FLT4: variants seen among roughly 807,000 people sequenced by gnomAD.
The protein encoded by FLT4 is fms related receptor tyrosine kinase 4, also known as vascular endothelial growth factor receptor 3.
A neutral mutation model predicts 163.2 loss-of-function variants in FLT4; 30 were observed. The observed-to-expected ratio is 0.18, with a 90% CI of 0.14 to 0.25. The LOEUF (loss-of-function observed/expected upper bound fraction) is 0.25. FLT4 is among the 10% of genes least tolerant of loss of function. The pLI, the probability that FLT4 is intolerant of heterozygous loss-of-function variation, is 1.00. For missense variants in FLT4, 1,510 were observed against 1,863.8 expected (o/e 0.81, Z 3.50); for synonymous variants, 884 against 789.5 (o/e 1.12, Z -2.01).
Position 180,630,412 on chromosome 5 carries a change from G to T in FLT4, c.401-75C>A. 6.5e-7 allele frequency: 1 copy of T among 1,550,248 alleles called. No individual in the cohort carries two copies. The highest frequency in any genetic ancestry group is 8.8e-7 in the Non-Finnish European group (1 of 1,135,994). ...GGGGAGGGCTCCACGGGGCTGGGTG[G>T]TGCTGGTCCTGAACCAGCCACCCGC... On this transcript the variant is annotated intron_variant, in intron 3 of 29. Transcript: ENST00000261937. The surrounding 1 kb of genome is among the most constrained non-coding windows in gnomAD (Gnocchi z 6.3).
chr5:180,643,540 G>A (rs1218939308), intron 1 of FLT4, among the ~76,000 whole-genome samples: 2 of 152,096 alleles, frequency 1.3e-5, no homozygotes, highest in Non-Finnish European at 2.9e-5. Context: ...CCTTGCTCAG[G>A]GGTCAGATGA....
At position 180,619,254 on chromosome 5, in the gene FLT4, C is replaced by T. The variant is rs752009723; in HGVS notation, c.2760G>A (p.Gln920=). 3.1e-6 allele frequency: 5 copies of T among 1,608,136 alleles called. No individual in the cohort carries two copies. In the East Asian group the frequency reaches 6.7e-5, roughly 22 times the overall value. The change falls in exon 19 of 30, where the codon CAG becomes CAA. Residue 920 remains glutamine (Q), a splice_region_variant and synonymous_variant. Coordinates refer to ENST00000261937, the MANE Select transcript of FLT4 (RefSeq NM_182925.5). The stretch of plus-strand genomic sequence containing the variant: ...CCCAGCGGGCCGCCCGCTCCGTACC[C>T]TGCGGCTTGGTGCACGCCCCGAGGA... ...VNLLGACTKP[Q]GPLMVIVEFC...
At chr5:180,613,162 C>T (rs769517007) in intron 24 of FLT4, 52 bp from the exon 25 acceptor site, 39 of 1,355,034 alleles carry the variant, frequency 2.9e-5, no homozygotes, top group Non-Finnish European at 3.8e-5. Context: ...GCGGCTCAGC[C>T]CAGCCCCCCA....
chr5:180,650,187 A>T (rs1348752783), upstream of FLT4, among the ~76,000 whole-genome samples: 1 of 148,660 alleles, frequency 6.7e-6, no homozygotes. Flanking sequence ...AAAAAAAAAA[A>T]GCAAAAACAA....
chr5:180,623,063 C>T lies in FLT4; in HGVS notation c.1549-224G>A, dbSNP rs1440764042. Reference sequence around the variant, plus strand: ...GTAGCTGCCCAGAAAAGTCAAGGGACAGTGTATGGACTGCTGGCCTAGGCT... The same window carrying T: ...GTAGCTGCCCAGAAAAGTCAAGGGATAGTGTATGGACTGCTGGCCTAGGCT... On this transcript the variant is annotated intron_variant, in intron 11 of 29. Coordinates refer to ENST00000261937, the MANE Select transcript of FLT4 (RefSeq NM_182925.5). This position sits in a 1 kb window ranked among gnomAD's most constrained non-coding sequence, Gnocchi z 5.8. 1.3e-5 allele frequency among the ~76,000 whole-genome samples: 2 copies of T among 152,122 alleles called. No homozygotes were observed. The highest frequency in any genetic ancestry group is 3.9e-4 in the East Asian group (2 of 5,180).
At chr5:180,607,919 G>T in intron 29 of FLT4, 1 of 598,714 alleles carries the variant, frequency 1.7e-6, no homozygotes. Context: ...CCGCTTGAGG[G>T]CTCTTTGGTC....
At chr5:180,631,833 G>A in intron 1 of FLT4, 55 bp from the exon 2 acceptor site, 9 of 1,248,586 alleles carry the variant, frequency 7.2e-6, no homozygotes, top group Non-Finnish European at 1.0e-5. Flanking sequence ...GCACGACGTT[G>A]ATGGGGCATG....
intron 1 of FLT4, among the ~76,000 whole-genome samples, chr5:180,634,511 G>A (rs935340713): frequency 4.6e-5 from 7 of 151,850 alleles, no homozygotes; most frequent in Non-Finnish European, 8.8e-5. Context: ...GACCATCCTG[G>A]CTAACACGGT....
At chr5:180,622,510 G>A (rs1355320619) in intron 12 of FLT4, among the ~76,000 whole-genome samples, 4 of 152,168 alleles carry the variant, frequency 2.6e-5, no homozygotes, top group Non-Finnish European at 4.4e-5. Context: ...CATCCTTGAG[G>A]GAGGAGCCCC....
chr5:180,648,917 C>G (rs1765613921), intron 1 of FLT4, among the ~76,000 whole-genome samples: 1 of 152,228 alleles, frequency 6.6e-6, no homozygotes, highest in Admixed American at 6.5e-5. Context: ...CAGCGTGCAC[C>G]TGCACCCGTC....
At chr5:180,618,700 G>GGGTTACCCA in intron 21 of FLT4, 70 bp downstream of exon 21, 1 of 1,514,460 alleles carries the variant, frequency 6.6e-7, no homozygotes, top group South Asian at 1.2e-5. Flanking sequence ...ACCCCAGGCT[G>GGGTTACCCA]GGGTGCCTGA....
upstream of FLT4, among the ~76,000 whole-genome samples, chr5:180,650,218 C>G (rs921145089): frequency 6.7e-6 from 1 of 150,358 alleles, no homozygotes; most frequent in African/African-American, 2.4e-5. Flanking sequence ...GCAGTGTTTA[C>G]CTGCACAGTG....
Position 180,610,001 on chromosome 5 carries a change from G to T in FLT4, c.3711C>A (p.Pro1237=). 1 of 1,614,142 alleles carries T rather than the reference G, an allele frequency of 6.2e-7. No individual in the cohort carries two copies. The highest frequency in any genetic ancestry group is 8.5e-7 in the Non-Finnish European group (1 of 1,180,000). Residue 1237 remains proline (P), a synonymous_variant, in exon 28 of 30, where the codon CCC becomes CCA. Coordinates refer to ENST00000261937, the MANE Select transcript of FLT4 (RefSeq NM_182925.5). ...TCTCAGCCCCTCTGGCCAGGCACCC[G>T]GGAAAGGACACCCAGTTGTAATACC... ...AARYYNWVSF[P]GCLARGAETR... is the part of the protein sequence containing the mutation.
At chr5:180,638,163 C>T (rs1331545814) in intron 1 of FLT4, among the ~76,000 whole-genome samples, 2 of 152,206 alleles carry the variant, frequency 1.3e-5, no homozygotes, top group Non-Finnish European at 2.9e-5. Context: ...CAGACACCTC[C>T]CAGGTCTCTA....
rs1208723260 is a variant in FLT4 at position 180,619,044 on chromosome 5, G to T, written c.2827C>A (p.Arg943=). ...ACCGCGCAGGGGCTGAAGGCGTCCC[G>T]CTTGGCGCGCAGGAAGTTGGAGAGG... ...GNLSNFLRAK[R]DAFSPCAEKS... is the part of the protein sequence containing the mutation. Residue 943 remains arginine (R), a synonymous_variant, in exon 20 of 30, where the codon CGG becomes AGG. Transcript: ENST00000261937. 2.6e-6 allele frequency: 4 copies of T among 1,554,702 alleles called. No homozygotes were observed. The South Asian group carries it at 4.7e-5, about 18-fold the overall frequency.
intron 1 of FLT4, among the ~76,000 whole-genome samples, chr5:180,637,499 C>G (rs1764779499): frequency 6.6e-6 from 1 of 152,156 alleles, no homozygotes; most frequent in South Asian, 2.1e-4. Flanking sequence ...CTTCTAATCA[C>G]CAGTCTTTGC....
At chr5:180,640,513 G>C (rs1258300213) in intron 1 of FLT4, among the ~76,000 whole-genome samples, 2 of 152,250 alleles carry the variant, frequency 1.3e-5, no homozygotes, top group African/African-American at 4.8e-5. Context: ...ATGGCTGCCT[G>C]GGCCCTGTGC....
chr5:180,646,107 G>A (rs900164158), intron 1 of FLT4, among the ~76,000 whole-genome samples: 1 of 152,044 alleles, frequency 6.6e-6, no homozygotes, highest in African/African-American at 2.4e-5. Flanking sequence ...ATACTCAAGT[G>A]CTCCCAACTT....
intron 28 of FLT4, 110 bp from the exon 29 acceptor site, chr5:180,609,163 C>T (rs1761983769): frequency 1.2e-6 from 1 of 856,598 alleles, no homozygotes; most frequent in Non-Finnish European, 2.0e-6. Context: ...GCTGACCTAA[C>T]ACCTGTCCCT....
Sources: gnomAD v4.1 joint callset for allele counts (sites outside exome capture counted in the v4.1 genomes callset) on GRCh38, gnomAD v4.1.1 for gene constraint, Gnocchi (gnomAD v3.1) non-coding constraint, MANE v1.5 for transcripts, NCBI Gene and HGNC (gene_info 2026-07-23, HGNC 2026-07-21) for gene names.